SPOCK1: variants seen among roughly 807,000 people sequenced by gnomAD.
SPOCK1 encodes the protein testican-1.
A neutral mutation model predicts 55.3 loss-of-function variants in SPOCK1; 23 were observed. That is an observed-to-expected ratio of 0.42 (90% CI 0.30 to 0.59). The LOEUF (loss-of-function observed/expected upper bound fraction) is 0.59, where lower values mean the gene tolerates loss of function less well. Among genes scored for constraint, SPOCK1 ranks in the 20% least tolerant of loss-of-function variants. The pLI is 0.22. For missense variants in SPOCK1, 499 were observed against 552.5 expected, an observed-to-expected ratio of 0.90 and a Z score of 0.97; for synonymous variants, 226 against 221.0, an observed-to-expected ratio of 1.02 and a Z score of -0.20.
intron 3 of SPOCK1, among the ~76,000 whole-genome samples, chr5:137,240,862 C>T (rs1268615674): frequency 6.6e-6 from 1 of 152,106 alleles, no homozygotes; most frequent in Admixed American, 6.5e-5. Flanking sequence ...TGGAATGTGA[C>T]TATAAGACAA....
At chr5:137,271,760 C>A (rs1384994956) in intron 2 of SPOCK1, among the ~76,000 whole-genome samples, 1 of 150,530 alleles carries the variant, frequency 6.6e-6, no homozygotes, top group East Asian at 1.9e-4. Context: ...AATGAAAACC[C>A]AATTGCCTTG....
At chr5:137,257,971 G>C (rs1320380343) in intron 3 of SPOCK1, among the ~76,000 whole-genome samples, 1 of 152,186 alleles carries the variant, frequency 6.6e-6, no homozygotes, top group Non-Finnish European at 1.5e-5. Context: ...TTGATTCAAT[G>C]ATTAACTGAT....
intron 2 of SPOCK1, among the ~76,000 whole-genome samples, chr5:137,307,589 G>A (rs1757719572): frequency 6.6e-6 from 1 of 152,158 alleles, no homozygotes; most frequent in African/African-American, 2.4e-5. Context: ...GAAGAATCTG[G>A]CACATGATGC....
At chr5:137,157,545 C>T (rs1363670651) in intron 3 of SPOCK1, among the ~76,000 whole-genome samples, 1 of 152,188 alleles carries the variant, frequency 6.6e-6, no homozygotes, top group Non-Finnish European at 1.5e-5. Flanking sequence ...ACCTCTTCCT[C>T]CCAGTGCTTT....
At chr5:137,424,169 G>A (rs1357489054) in intron 2 of SPOCK1, among the ~76,000 whole-genome samples, 1 of 152,044 alleles carries the variant, frequency 6.6e-6, no homozygotes, top group East Asian at 1.9e-4. Flanking sequence ...TGCTTTAAGT[G>A]AAGGAGCTTC....
At chr5:137,424,985 A>C (rs1752578679) in intron 2 of SPOCK1, among the ~76,000 whole-genome samples, 1 of 152,256 alleles carries the variant, frequency 6.6e-6, no homozygotes, top group Admixed American at 6.5e-5. Flanking sequence ...CCTCATTAAA[A>C]TTGATCTTTT....
chr5:137,355,885 G>C (rs1403622653), intron 2 of SPOCK1, among the ~76,000 whole-genome samples: 1 of 152,196 alleles, frequency 6.6e-6, no homozygotes, highest in Non-Finnish European at 1.5e-5. Context: ...CGCAGGCCCA[G>C]TGGAGCAGAC....
In SPOCK1 at chr5:137,323,717, T is replaced by G. The variant is rs189738082; in HGVS notation, c.187-56662A>C. Among the ~76,000 whole-genome samples the G allele has an allele frequency of 4.0e-3, 615 of 152,082 alleles. 2 individuals carry two copies. Among genetic ancestry groups the G allele is most frequent in the Middle Eastern group, 0.01 (3 of 294 alleles). On this transcript the variant is annotated intron_variant, in intron 2 of 10. Transcript: ENST00000394945. ...AAGACATACAAATGGCCAACATGTA[T>G]GGGAAAAAAAATACTCAACATCACT...
At chr5:137,168,782 A>G (rs1360662196) in intron 3 of SPOCK1, among the ~76,000 whole-genome samples, 2 of 152,178 alleles carry the variant, frequency 1.3e-5, no homozygotes, top group Non-Finnish European at 2.9e-5. Flanking sequence ...ATCACTATGG[A>G]TAACAGTTTG....
chr5:137,004,867 G>A (rs1274700221), intron 6 of SPOCK1, among the ~76,000 whole-genome samples: 1 of 152,170 alleles, frequency 6.6e-6, no homozygotes. Flanking sequence ...CTTCTGAAGT[G>A]ATAGACTTCT....
At chr5:137,148,580 G>T (rs1367931023) in intron 3 of SPOCK1, among the ~76,000 whole-genome samples, 1 of 152,118 alleles carries the variant, frequency 6.6e-6, no homozygotes, top group Admixed American at 6.6e-5. Context: ...TAGAAGGAAA[G>T]GGGGAATTAA....
At chr5:137,017,429 A>C (rs1751468919) in intron 6 of SPOCK1, among the ~76,000 whole-genome samples, 2 of 152,240 alleles carry the variant, frequency 1.3e-5, no homozygotes, top group African/African-American at 4.8e-5. Context: ...ATAATTTTGG[A>C]ATTACATTAT....
intron 3 of SPOCK1, among the ~76,000 whole-genome samples, chr5:137,204,030 T>C (rs776169647): frequency 6.6e-6 from 1 of 152,200 alleles, no homozygotes; most frequent in African/African-American, 2.4e-5. Flanking sequence ...CTCTGGATTC[T>C]GACAGATCTG....
chr5:137,282,127 A>G (rs1330335157), intron 2 of SPOCK1, among the ~76,000 whole-genome samples: 1 of 152,220 alleles, frequency 6.6e-6, no homozygotes, highest in African/African-American at 2.4e-5. Context: ...AGCGCATAGG[A>G]TGCACCAAGA....
intron 2 of SPOCK1, among the ~76,000 whole-genome samples, chr5:137,424,153 G>A (rs549666479): frequency 1.3e-5 from 2 of 152,222 alleles, no homozygotes; most frequent in East Asian, 3.9e-4. Context: ...GCCAAGGCAG[G>A]AGGATTGCTT....
At chr5:137,204,511 C>T (rs1196290991) in intron 3 of SPOCK1, among the ~76,000 whole-genome samples, 3 of 152,040 alleles carry the variant, frequency 2.0e-5, no homozygotes, top group Non-Finnish European at 4.4e-5. Flanking sequence ...ATCTAAGAGC[C>T]AACCTTAAAT....
chr5:137,484,553 G>GAT (rs986038935), intron 2 of SPOCK1, among the ~76,000 whole-genome samples: 63 of 152,266 alleles, frequency 4.1e-4, no homozygotes, highest in Middle Eastern at 3.4e-3. Context: ...AAAATTCACT[G>GAT]ATACCCGTGG....
chr5:137,055,154 A>G (rs1480946539), intron 6 of SPOCK1, among the ~76,000 whole-genome samples: 1 of 152,242 alleles, frequency 6.6e-6, no homozygotes, highest in African/African-American at 2.4e-5. Flanking sequence ...ACCCTGAGAC[A>G]TAAGTGAGCT....
At chr5:137,176,502 A>ATGTGTGTGTGTGTGTGTGTGTGTG (rs10527760) in intron 3 of SPOCK1, among the ~76,000 whole-genome samples, 8 of 150,302 alleles carry the variant, frequency 5.3e-5, no homozygotes, top group Admixed American at 1.3e-4. Flanking sequence ...CCCCACCACA[A>ATGTGTGTGTGTGTGTGTGTGTGTG]TGTGTGTGTG....
Sources: gnomAD v4.1 joint callset for allele counts (sites outside exome capture counted in the v4.1 genomes callset) on GRCh38, gnomAD v4.1.1 for gene constraint, MANE v1.5 for transcripts, NCBI Gene and HGNC (gene_info 2026-07-23, HGNC 2026-07-21) for gene names.